NAALADL2: variants seen among roughly 807,000 people sequenced by gnomAD.
NAALADL2 encodes the protein inactive N-acetylated-alpha-linked acidic dipeptidase-like protein 2.
A neutral mutation model predicts 87.2 loss-of-function variants in NAALADL2; 76 were observed. The ratio of observed to expected loss-of-function variants is 0.87; its 90% CI spans 0.72 to 1.05. The LOEUF (loss-of-function observed/expected upper bound fraction) is 1.05, where lower values mean the gene tolerates loss of function less well. NAALADL2 is among the 50% of genes least tolerant of loss of function. The probability of loss-of-function intolerance (pLI) is 0.00; values close to 1 mark genes in which losing one functional copy is unlikely to be tolerated. For missense variants in NAALADL2, 1,089 were observed against 945.8 expected (o/e 1.15, Z -1.99); for synonymous variants, 354 against 331.0 (o/e 1.07, Z -0.75).
At chr3:174,718,532 G>GA in intron 2 of NAALADL2, among the ~76,000 whole-genome samples, 1 of 152,240 alleles carries the variant, frequency 6.6e-6, no homozygotes, top group Non-Finnish European at 1.5e-5. Flanking sequence ...ACTAGGATGA[G>GA]AAACCATCTT....
intron 5 of NAALADL2, among the ~76,000 whole-genome samples, chr3:175,384,980 T>A (rs1768202963): frequency 6.6e-6 from 1 of 152,072 alleles, no homozygotes; most frequent in African/African-American, 2.4e-5. Context: ...TTGAACAGAC[T>A]TCGGCCAAGG....
intron 1 of NAALADL2, among the ~76,000 whole-genome samples, chr3:174,532,922 A>AC (rs895298520): frequency 2.7e-5 from 4 of 150,586 alleles, no homozygotes; most frequent in South Asian, 4.2e-4. Context: ...AATTCATAGT[A>AC]CCCCCCTCCT....
chr3:175,298,076 G>A (rs1756602219), intron 4 of NAALADL2, among the ~76,000 whole-genome samples: 1 of 152,064 alleles, frequency 6.6e-6, no homozygotes. Flanking sequence ...AAAAAACTAT[G>A]CATTTTCATT....
intron 2 of NAALADL2, among the ~76,000 whole-genome samples, chr3:175,138,982 G>C (rs1029476540): frequency 6.9e-6 from 1 of 144,314 alleles, no homozygotes. Flanking sequence ...ATCTTTTCAA[G>C]AGTTGCAAAA....
chr3:175,368,872 G>A (rs936021757), intron 5 of NAALADL2, among the ~76,000 whole-genome samples: 9 of 152,030 alleles, frequency 5.9e-5, no homozygotes, highest in African/African-American at 2.2e-4. Flanking sequence ...TCTAAACACA[G>A]AAAAGGTACA....
intron 2 of NAALADL2, among the ~76,000 whole-genome samples, chr3:175,228,321 C>T (rs1282360367): frequency 3.3e-5 from 5 of 151,832 alleles, no homozygotes; most frequent in African/African-American, 1.2e-4. Context: ...AGAGTTTTCC[C>T]CCTTGGATAT....
At chr3:175,251,194 C>T (rs1749003999) in intron 3 of NAALADL2, among the ~76,000 whole-genome samples, 1 of 152,172 alleles carries the variant, frequency 6.6e-6, no homozygotes, top group South Asian at 2.1e-4. Context: ...TGTGGCCCAC[C>T]ACTCTTTGTC....
At chr3:174,838,959 C>T (rs142080299) in intron 3 of NAALADL2, among the ~76,000 whole-genome samples, 98 of 152,042 alleles carry the variant, frequency 6.4e-4, no homozygotes, top group African/African-American at 2.2e-3. Context: ...TGCCCATCAA[C>T]ACCCCCACCA....
At chr3:175,429,206 C>T (rs1341381977) in intron 5 of NAALADL2, among the ~76,000 whole-genome samples, 2 of 131,460 alleles carry the variant, frequency 1.5e-5, no homozygotes, top group African/African-American at 6.0e-5. Flanking sequence ...CACACACACA[C>T]ACACATATAT....
chr3:174,571,631 G>A (rs1002531081), intron 2 of NAALADL2, among the ~76,000 whole-genome samples: 3 of 151,952 alleles, frequency 2.0e-5, no homozygotes, highest in African/African-American at 7.3e-5. Flanking sequence ...TGCCTGCCTC[G>A]GCCTCCCAAA....
chr3:175,081,985 T>C (rs961265686), intron 1 of NAALADL2, among the ~76,000 whole-genome samples: 1 of 152,188 alleles, frequency 6.6e-6, no homozygotes, highest in Non-Finnish European at 1.5e-5. Flanking sequence ...TTCACTGAAG[T>C]CTCACAGTGC....
intron 1 of NAALADL2, among the ~76,000 whole-genome samples, chr3:174,486,251 A>T (rs907639972): frequency 6.6e-6 from 1 of 152,064 alleles, no homozygotes; most frequent in East Asian, 1.9e-4. Context: ...TCTCCTAAGG[A>T]TATACATTGT....
chr3:174,786,176 C>G (rs529115635), intron 3 of NAALADL2, among the ~76,000 whole-genome samples: 56 of 152,206 alleles, frequency 3.7e-4, no homozygotes, highest in African/African-American at 1.3e-3. Flanking sequence ...ATTGGCCAGG[C>G]ATGGTGACTC....
At chr3:174,988,460 A>C (rs1309466732) in intron 1 of NAALADL2, among the ~76,000 whole-genome samples, 3 of 152,216 alleles carry the variant, frequency 2.0e-5, no homozygotes, top group Non-Finnish European at 4.4e-5. Context: ...ATGAACTAAA[A>C]GTTTAAAATA....
At chr3:175,498,337 T>A (rs997759105) in intron 9 of NAALADL2, among the ~76,000 whole-genome samples, 11 of 152,050 alleles carry the variant, frequency 7.2e-5, no homozygotes, top group Non-Finnish European at 1.6e-4. Context: ...AGTGTATGAG[T>A]GTAAACCAAG....
chr3:175,376,747 AT>A (rs1767173346), intron 5 of NAALADL2, among the ~76,000 whole-genome samples: 1 of 152,130 alleles, frequency 6.6e-6, no homozygotes, highest in African/African-American at 2.4e-5. Flanking sequence ...GTTTACATAT[AT>A]TGGATAGCTT....
At chr3:174,757,624 G>A (rs769925673) in intron 3 of NAALADL2, among the ~76,000 whole-genome samples, 5 of 151,722 alleles carry the variant, frequency 3.3e-5, no homozygotes, top group Admixed American at 6.6e-5. Flanking sequence ...ACCAAGCAGC[G>A]GGGACTACAG....
chr3:174,884,621 G>A (rs1490325790), intron 1 of NAALADL2, among the ~76,000 whole-genome samples: 1 of 152,166 alleles, frequency 6.6e-6, no homozygotes, highest in Non-Finnish European at 1.5e-5. Flanking sequence ...TCTGGAATAA[G>A]TGTCTAGGAG....
At chr3:174,982,463 T>C (rs142494611) in intron 1 of NAALADL2, among the ~76,000 whole-genome samples, 1 of 152,330 alleles carries the variant, frequency 6.6e-6, no homozygotes, top group East Asian at 1.9e-4. Flanking sequence ...CTATGAGTTA[T>C]ATATGGAAAC....
Sources: gnomAD v4.1 joint callset for allele counts (sites outside exome capture counted in the v4.1 genomes callset) on GRCh38, gnomAD v4.1.1 for gene constraint, MANE v1.5 for transcripts, NCBI Gene and HGNC (gene_info 2026-07-23, HGNC 2026-07-21) for gene names.